CHN2: variants seen among roughly 807,000 people sequenced by gnomAD.
CHN2 encodes chimerin 2.
Under a neutral mutation model 56.3 loss-of-function variants are expected in CHN2, and 35 were observed. The ratio of observed to expected loss-of-function variants is 0.62; its 90% CI spans 0.47 to 0.82. The LOEUF (loss-of-function observed/expected upper bound fraction) is 0.82, where lower values mean the gene tolerates loss of function less well. CHN2 is among the 40% of genes least tolerant of loss of function. The pLI, the probability that CHN2 is intolerant of heterozygous loss-of-function variation, is 0.00. For missense variants in CHN2, 491 were observed against 580.5 expected (o/e 0.85, Z 1.58); for synonymous variants, 210 against 212.8 (o/e 0.99, Z 0.12).
At chr7:29,260,557 G>T (rs1789453419) in intron 1 of CHN2, among the ~76,000 whole-genome samples, 1 of 152,050 alleles carries the variant, frequency 6.6e-6, no homozygotes, top group Non-Finnish European at 1.5e-5. Flanking sequence ...CGAGGGAAAG[G>T]TGCAGAAAAA....
intron 2 of CHN2, among the ~76,000 whole-genome samples, chr7:29,154,818 G>A (rs1247784615): frequency 6.6e-6 from 1 of 152,208 alleles, no homozygotes; most frequent in African/African-American, 2.4e-5. Flanking sequence ...CTGGGCGACA[G>A]AGTGAGACTC....
chr7:29,302,124 A>G (rs1210690990), intron 1 of CHN2, among the ~76,000 whole-genome samples: 1 of 152,242 alleles, frequency 6.6e-6, no homozygotes, highest in African/African-American at 2.4e-5. Context: ...GTCTCTCTCT[A>G]ACAGAGTGAT....
intron 1 of CHN2, among the ~76,000 whole-genome samples, chr7:29,280,383 C>CAATAAATAAATAAATAA (rs67342328): frequency 6.6e-6 from 1 of 150,422 alleles, no homozygotes; most frequent in South Asian, 2.1e-4. Context: ...GGCTCCGTCT[C>CAATAAATAAATAAATAA]ATAAATAAAT....
intron 2 of CHN2, among the ~76,000 whole-genome samples, chr7:29,157,991 G>A (rs1218411703): frequency 6.6e-6 from 1 of 152,138 alleles, no homozygotes; most frequent in Non-Finnish European, 1.5e-5. Flanking sequence ...TGGTTCCAAA[G>A]AGAAACGGAA....
chr7:29,146,631 C>A, exon 1 of CHN2: 2 of 1,550,588 alleles, frequency 1.3e-6, no homozygotes, highest in Non-Finnish European at 1.7e-6. Context: ...GTCCCAACCT[C>A]CTGGTCCCAG....
chr7:29,287,271 C>T (rs1222422986), intron 1 of CHN2, among the ~76,000 whole-genome samples: 1 of 152,092 alleles, frequency 6.6e-6, no homozygotes, highest in African/African-American at 2.4e-5. Flanking sequence ...CCACCTTGCC[C>T]CCAGGAAGTG....
chr7:29,393,535 A>G (rs1182817112), intron 3 of CHN2, 144 bp from the exon 4 acceptor site: 7 of 407,550 alleles, frequency 1.7e-5, no homozygotes, highest in African/African-American at 4.3e-5. Context: ...TTATAACTCC[A>G]TAGCTTCATG....
chr7:29,390,089 C>T (rs181467055), intron 3 of CHN2, among the ~76,000 whole-genome samples: 51 of 150,748 alleles, frequency 3.4e-4, no homozygotes, highest in African/African-American at 1.1e-3. Context: ...CACCATTCTG[C>T]ATGGTCACAC....
intron 6 of CHN2, among the ~76,000 whole-genome samples, chr7:29,449,967 T>C (rs1267010377): frequency 6.6e-6 from 1 of 152,184 alleles, no homozygotes; most frequent in Non-Finnish European, 1.5e-5. Context: ...CAAGCTTAAT[T>C]TGTGGTTAGT....
Position 29,331,534 on chromosome 7 carries a change from A to G in CHN2, c.50-23091A>G, listed in dbSNP as rs532073420. Among the ~76,000 whole-genome samples, 5 of 152,178 alleles carry G rather than the reference A, an allele frequency of 3.3e-5. No homozygotes were observed. The South Asian group carries it at 8.3e-4, about 25-fold the overall frequency. ...CCCCCTCTTTCCTGCCCTGCCTTCCATTGACTGAACCTGAAGCCAGAGGAA... is the reference window on the plus strand; with the variant it reads ...CCCCCTCTTTCCTGCCCTGCCTTCCGTTGACTGAACCTGAAGCCAGAGGAA... On this transcript the variant is annotated intron_variant, in intron 1 of 12. Coordinates refer to ENST00000222792, the MANE Select transcript of CHN2 (RefSeq NM_004067.4).
chr7:29,330,903 A>G (rs1475356571), intron 1 of CHN2, among the ~76,000 whole-genome samples: 1 of 152,230 alleles, frequency 6.6e-6, no homozygotes, highest in Admixed American at 6.5e-5. Flanking sequence ...GGTAGTACGT[A>G]GCAAGGATCA....
chr7:29,478,577 A>G (rs1274155147), intron 6 of CHN2, among the ~76,000 whole-genome samples: 2 of 152,224 alleles, frequency 1.3e-5, no homozygotes, highest in East Asian at 1.9e-4. Context: ...GTTGAGGAGC[A>G]TGGGCGCTGG....
intron 1 of CHN2, among the ~76,000 whole-genome samples, chr7:29,303,497 G>T (rs1325484614): frequency 6.6e-6 from 1 of 152,110 alleles, no homozygotes; most frequent in Admixed American, 6.5e-5. Context: ...TTATTTCCCA[G>T]TTCCACCTGG....
chr7:29,263,960 G>A (rs979375527), intron 1 of CHN2, among the ~76,000 whole-genome samples: 4 of 150,508 alleles, frequency 2.7e-5, no homozygotes, highest in Non-Finnish European at 5.9e-5. Flanking sequence ...CAGCCGCCCC[G>A]TCTGGGAGGT....
At chr7:29,174,035 C>T (rs1796944962) in intron 2 of CHN2, among the ~76,000 whole-genome samples, 1 of 151,962 alleles carries the variant, frequency 6.6e-6, no homozygotes, top group Non-Finnish European at 1.5e-5. Flanking sequence ...CAGACACAAG[C>T]GGAGTTCACA....
intron 1 of CHN2, among the ~76,000 whole-genome samples, chr7:29,220,269 TAA>T (rs1184504119): frequency 1.4e-5 from 1 of 73,278 alleles, no homozygotes; most frequent in African/African-American, 7.2e-5. Flanking sequence ...GACCCTGTCT[TAA>T]AAAAAAAAAA....
At chr7:29,288,713 A>G (rs1279171447) in intron 1 of CHN2, among the ~76,000 whole-genome samples, 2 of 151,562 alleles carry the variant, frequency 1.3e-5, no homozygotes, top group African/African-American at 4.9e-5. Flanking sequence ...ACTAGAGACA[A>G]TGGAGACAAA....
At chr7:29,318,535 G>T (rs1272914152) in intron 1 of CHN2, among the ~76,000 whole-genome samples, 1 of 152,192 alleles carries the variant, frequency 6.6e-6, no homozygotes, top group African/African-American at 2.4e-5. Context: ...AGAGTGAGAA[G>T]AGACAAGGGC....
chr7:29,510,415 G>A (rs1558632), intron 12 of CHN2, among the ~76,000 whole-genome samples: 98,912 of 151,918 alleles, frequency 0.65, 32,282 homozygotes, highest in Non-Finnish European at 0.68. Flanking sequence ...CTCCATCCTG[G>A]GCAACAGAAT....
Sources: gnomAD v4.1 joint callset for allele counts (sites outside exome capture counted in the v4.1 genomes callset) on GRCh38, gnomAD v4.1.1 for gene constraint, MANE v1.5 for transcripts, NCBI Gene and HGNC (gene_info 2026-07-23, HGNC 2026-07-21) for gene names.